PTPN13: variants seen among roughly 807,000 people sequenced by gnomAD.
The protein encoded by PTPN13 is tyrosine-protein phosphatase non-receptor type 13.
Under a neutral mutation model 284.0 loss-of-function variants are expected in PTPN13, and 191 were observed. That is an observed-to-expected ratio of 0.67 (90% confidence interval 0.60 to 0.76). The LOEUF (loss-of-function observed/expected upper bound fraction) is 0.76, where lower values mean the gene tolerates loss of function less well. Ranked by LOEUF, PTPN13 falls within the 30% of genes least tolerant of loss-of-function variation. The pLI, the probability that PTPN13 is intolerant of heterozygous loss-of-function variation, is 0.00. For synonymous variants in PTPN13, 986 were observed against 1,022.3 expected, an observed-to-expected ratio of 0.96 and a Z score of 0.68; for missense variants, 2,797 against 2,939.9, an observed-to-expected ratio of 0.95 and a Z score of 1.12.
At chr4:86,608,800 G>A (rs1166455826) in intron 1 of PTPN13, among the ~76,000 whole-genome samples, 1 of 152,068 alleles carries the variant, frequency 6.6e-6, no homozygotes, top group Non-Finnish European at 1.5e-5. Context: ...TCTTATTAAG[G>A]TATGGCCATT....
Position 86,722,429 on chromosome 4 carries a change from C to G in PTPN13, c.1603C>G (p.Leu535Val). 1 of 1,610,446 alleles carries G rather than the reference C, an allele frequency of 6.2e-7. No individual in the cohort carries two copies. The highest frequency in any genetic ancestry group is 8.5e-7 in the Non-Finnish European group (1 of 1,176,850). ...AGAAACAGCCATGACTCAAAGAAAA[C>G]TGAGGGTAAGTTGATTCTCAGGTTA... ...ALETAMTQRK[L>V]RNFFGPEFVK... Residue 535 changes from leucine (L) to valine (V), a missense_variant, in exon 10 of 48, where the codon CTG becomes GTG. Transcript: ENST00000411767.
chr4:86,701,771 C>T lies in PTPN13; in HGVS notation c.1165C>T (p.Gln389Ter). 1 of 1,613,066 alleles carries T rather than the reference C, an allele frequency of 6.2e-7. No individual in the cohort carries two copies. Among genetic ancestry groups the T allele is most frequent in the Non-Finnish European group, 8.5e-7 (1 of 1,179,612 alleles). Residue 389 changes from glutamine to a stop codon, truncating the protein, a stop_gained, in exon 7 of 48, where the codon CAG (glutamine) becomes TAG (stop). Coordinates refer to ENST00000411767, the MANE Select transcript of PTPN13 (RefSeq NM_080683.3). LOFTEE classifies it high-confidence loss of function. ...DRIRERQKKL[Q>*]VLREAMNVEE... ...AATCCGAGAGAGACAAAAGAAACTT[C>T]AGGTTCTGAGGGAAGCCATGAATGT... is the stretch of plus-strand genomic sequence containing the variant.
At chr4:86,665,062 G>A (rs1330094754) in intron 2 of PTPN13, among the ~76,000 whole-genome samples, 1 of 152,184 alleles carries the variant, frequency 6.6e-6, no homozygotes, top group Non-Finnish European at 1.5e-5. Flanking sequence ...AATATAGATT[G>A]TCTGTATATC....
At chr4:86,699,429 C>A (rs887457851) in intron 6 of PTPN13, among the ~76,000 whole-genome samples, 1 of 151,956 alleles carries the variant, frequency 6.6e-6, no homozygotes, top group Admixed American at 6.6e-5. Flanking sequence ...TAGAATTACT[C>A]ATGGAAAGAT....
At chr4:86,791,120 G>C (rs1221159818) in intron 40 of PTPN13, among the ~76,000 whole-genome samples, 1 of 152,170 alleles carries the variant, frequency 6.6e-6, no homozygotes, top group Non-Finnish European at 1.5e-5. Flanking sequence ...TGTACCTGGA[G>C]AAATGGTATA....
chr4:86,665,959 T>TA (rs1189465305), intron 2 of PTPN13, among the ~76,000 whole-genome samples: 2 of 152,202 alleles, frequency 1.3e-5, no homozygotes, highest in Non-Finnish European at 1.5e-5. Context: ...ATATGGCACT[T>TA]ACTGCTGTAT....
chr4:86,775,117 G>C (rs1740475725), intron 33 of PTPN13, 54 bp from the exon 34 acceptor site: 2 of 1,340,970 alleles, frequency 1.5e-6, no homozygotes, highest in African/African-American at 1.5e-5. Context: ...TGGCAATTTA[G>C]CTTCTCTTTT....
rs567172106 is a variant in PTPN13, at chr4:86,693,553, T to G, written c.547-34T>G. 5.0e-6 allele frequency: 7 copies of G among 1,390,614 alleles called. No homozygotes were observed. The African/African-American group carries it at 7.2e-5, about 14-fold the overall frequency. 86.1% of individuals were successfully genotyped at this position (1,390,614 alleles called of 1,614,324 possible). ...CCATGAAAACAAAAGGGAGATCCTTTTGTCAAACTTGATTTTTTATTACCT... is the reference window on the plus strand; with the variant it reads ...CCATGAAAACAAAAGGGAGATCCTTGTGTCAAACTTGATTTTTTATTACCT... On this transcript the variant is annotated intron_variant, in intron 5 of 47. Coordinates refer to ENST00000411767, the MANE Select transcript of PTPN13 (RefSeq NM_080683.3).
At chr4:86,634,742 A>G (rs1038671614) in intron 1 of PTPN13, among the ~76,000 whole-genome samples, 2 of 152,196 alleles carry the variant, frequency 1.3e-5, no homozygotes, top group Non-Finnish European at 2.9e-5. Context: ...CAAAATATAC[A>G]GTTATAGTAT....
At chr4:86,773,694 C>CT (rs35626339) in intron 32 of PTPN13, among the ~76,000 whole-genome samples, 14,968 of 147,102 alleles carry the variant, frequency 0.1, 864 homozygotes, top group Non-Finnish European at 0.12. Flanking sequence ...TCCAGTTACC[C>CT]TTTTTTTTTT....
intron 31 of PTPN13, among the ~76,000 whole-genome samples, chr4:86,772,451 G>A (rs1740107375): frequency 6.6e-6 from 1 of 152,076 alleles, no homozygotes; most frequent in Admixed American, 6.5e-5. Context: ...CTACTTGGGT[G>A]GCTGCGGCAG....
rs201078979 is a variant in PTPN13 at position 86,732,441 on chromosome 4, A to G, written c.1650A>G (p.Pro550=). The stretch of plus-strand genomic sequence containing the variant: ...AGTTTGTGAAAATGACAATTGAACC[A>G]TTTATATCTTTGGATTTGCCACGGT... The part of the protein sequence containing the change: ...GPEFVKMTIE[P]FISLDLPRSI... The change falls in exon 11 of 48, where the codon CCA becomes CCG. Residue 550 remains proline (P), a synonymous_variant. Coordinates refer to ENST00000411767, the MANE Select transcript of PTPN13 (RefSeq NM_080683.3). The G allele has an allele frequency of 2.6e-4, 420 of 1,602,542 alleles. 3 individuals are homozygous for G. In the African/African-American group the frequency reaches 5.2e-3, roughly 20 times the overall value.
At chr4:86,758,043 GAATAGCTTATGAAGAATAAATGT>G (rs1289418593) in intron 20 of PTPN13, among the ~76,000 whole-genome samples, 194 bp from the exon 21 acceptor site, 1 of 152,026 alleles carries the variant, frequency 6.6e-6, no homozygotes, top group Non-Finnish European at 1.5e-5. Context: ...TATTTCAAAA[GAATAGCTTATGAAGAATAAATGT>G]AATACGTAGT....
chr4:86,650,538 G>T (rs774758642), intron 2 of PTPN13, among the ~76,000 whole-genome samples: 6 of 152,102 alleles, frequency 3.9e-5, no homozygotes, highest in Non-Finnish European at 8.8e-5. Context: ...ACCTGCCTCA[G>T]ACTATCCACC....
chr4:86,732,515 T>C, intron 11 of PTPN13, 41 bp downstream of exon 11: 1 of 1,592,792 alleles, frequency 6.3e-7, no homozygotes, highest in East Asian at 2.2e-5. Flanking sequence ...TAGAAAATAA[T>C]TTCAGTAGTG....
At position 86,741,406 on chromosome 4, in the gene PTPN13, C is replaced by A. The variant is rs189487934; in HGVS notation, c.2305-228C>A. On this transcript the variant is annotated intron_variant, in intron 15 of 47. Transcript: ENST00000411767. ...AAGAGAGCTTGTACAGAGAAACTCCCCTTTTAAAACCATCAGATCTTATGA... is the reference window on the plus strand; with the variant it reads ...AAGAGAGCTTGTACAGAGAAACTCCACTTTTAAAACCATCAGATCTTATGA... 1.1e-4 allele frequency among the ~76,000 whole-genome samples: 16 copies of A among 152,168 alleles called. 1 individual carries two copies. Among genetic ancestry groups the A allele is most frequent in the African/African-American group, 3.9e-4 (16 of 41,484 alleles).
intron 2 of PTPN13, among the ~76,000 whole-genome samples, chr4:86,637,858 G>C (rs1314483489): frequency 1.2e-4 from 18 of 148,456 alleles, no homozygotes; most frequent in African/African-American, 4.2e-4. Flanking sequence ...GGAAATAAAG[G>C]GTATTCAATT....
chr4:86,796,227 T>A (rs1743325841), intron 40 of PTPN13, among the ~76,000 whole-genome samples: 1 of 152,206 alleles, frequency 6.6e-6, no homozygotes, highest in South Asian at 2.1e-4. Context: ...TTTTTTTAGA[T>A]TTTAAAATTG....
rs773669996 is a variant in PTPN13 at position 86,775,190 on chromosome 4, C to T, written c.5528C>T (p.Thr1843Ile). Reference protein sequence around the residue: ...RLIKVNDTDVTNMTHTDAVNL... With the variant: ...RLIKVNDTDVINMTHTDAVNL... ...TTGTAGGTTAATGATACAGATGTTA[C>T]TAATATGACTCATACAGATGCAGTT... The change falls in exon 34 of 48, where the codon ACT becomes ATT. Residue 1843 changes from threonine to isoleucine, a missense_variant. Thr to Ile is a moderately conservative substitution (Grantham distance 89, BLOSUM62 -1). Coordinates refer to ENST00000411767, the MANE Select transcript of PTPN13 (RefSeq NM_080683.3). 5 of 1,604,346 alleles carry T rather than the reference C, an allele frequency of 3.1e-6. No homozygotes were observed. In the Admixed American group the frequency reaches 5.2e-5, roughly 17 times the overall value.
Sources: allele counts gnomAD v4.1 joint callset (sites outside exome capture counted in the v4.1 genomes callset), GRCh38; gene constraint gnomAD v4.1.1; transcripts MANE v1.5; gene names NCBI Gene and HGNC (gene_info 2026-07-23, HGNC 2026-07-21).